The following TRIM27 variants were observed in gnomAD, a reference collection of about 807,000 sequenced individuals.
TRIM27 encodes tripartite motif containing 27.
Under a neutral mutation model 57.6 loss-of-function variants are expected in TRIM27, and 12 were observed. The observed-to-expected ratio is 0.21, with a 90% CI of 0.13 to 0.34. TRIM27 has a LOEUF of 0.34. TRIM27 is among the 10% of genes least tolerant of loss of function. The pLI, the probability that TRIM27 is intolerant of heterozygous loss-of-function variation, is 1.00. For synonymous variants in TRIM27, 266 were observed against 259.0 expected (o/e 1.03, Z -0.26); for missense variants, 403 against 656.8 (o/e 0.61, Z 4.22).
intron 3 of TRIM27, among the ~76,000 whole-genome samples, chr6:28,913,235 A>C (rs898941152): frequency 1.3e-4 from 19 of 148,392 alleles, no homozygotes; most frequent in African/African-American, 4.5e-4. Flanking sequence ...AGCCTGGGCA[A>C]CAAGAGTGAA....
Position 28,904,783 on chromosome 6 carries a change from T to A in TRIM27, c.947-118A>T. On this transcript the variant is annotated intron_variant, in intron 7 of 7. Transcript: ENST00000377199. This position sits in a 1 kb window ranked among gnomAD's most constrained non-coding sequence, Gnocchi z 6.1. Reference sequence around the variant, plus strand: ...GGTTCCCACTGGAGGTTGCACGTATTTTATTTAGAATATATTCTAAACTTC... The same window carrying A: ...GGTTCCCACTGGAGGTTGCACGTATATTATTTAGAATATATTCTAAACTTC... 1.5e-6 allele frequency: 1 copy of A among 686,322 alleles called. No individual in the cohort carries two copies. The highest frequency in any genetic ancestry group is 2.0e-5 in the South Asian group (1 of 49,506). 42.5% of individuals were successfully genotyped at this position (686,322 alleles called of 1,614,324 possible).
intron 3 of TRIM27, among the ~76,000 whole-genome samples, chr6:28,914,472 T>A (rs1309211159): frequency 1.3e-5 from 2 of 151,350 alleles, no homozygotes; most frequent in East Asian, 3.9e-4. Context: ...TATGTGCTTA[T>A]TTTATATGTG....
intron 6 of TRIM27, chr6:28,907,811 G>T: frequency 2.6e-6 from 1 of 382,132 alleles, no homozygotes; most frequent in South Asian, 2.3e-5. Flanking sequence ...ACCACTTCTG[G>T]TATTATCCAC....
intron 3 of TRIM27, among the ~76,000 whole-genome samples, chr6:28,917,564 C>G (rs1186070417): frequency 6.9e-6 from 1 of 145,092 alleles, no homozygotes; most frequent in Non-Finnish European, 1.5e-5. Context: ...GGCAACAGAG[C>G]AAGAGTATGT....
At chr6:28,912,572 G>C (rs954588630) in intron 3 of TRIM27, among the ~76,000 whole-genome samples, 1 of 150,994 alleles carries the variant, frequency 6.6e-6, no homozygotes, top group African/African-American at 2.4e-5. Context: ...AAACCACTCC[G>C]TATCAGTTCA....
At position 28,903,998 on chromosome 6, in the gene TRIM27, G is replaced by A. The variant is rs1416893019; in HGVS notation, c.*72C>T. ...GGATACCCAGCTGTGACAGGACGTG[G>A]CAAGGCAACAAGATGCCTTGTGCCT... On this transcript the variant is annotated 3_prime_UTR_variant, in exon 8 of 8. Transcript: ENST00000377199. 2.3e-6 allele frequency: 3 copies of A among 1,285,380 alleles called. No individual in the cohort carries two copies. The highest frequency in any genetic ancestry group is 3.3e-6 in the Non-Finnish European group (3 of 906,796). 79.6% of individuals were successfully genotyped at this position (1,285,380 alleles called of 1,614,324 possible). A position where few individuals can be genotyped will look rare whatever the true frequency, so the allele number is the denominator to read the frequency against.
intron 2 of TRIM27, among the ~76,000 whole-genome samples, chr6:28,921,109 G>A (rs757038902): frequency 4.5e-4 from 68 of 152,276 alleles, no homozygotes; most frequent in Non-Finnish European, 7.5e-4. Flanking sequence ...GGCTGGGCGC[G>A]GTGGCTCACG....
chr6:28,921,938 T>C lies in TRIM27; in HGVS notation c.470A>G (p.Lys157Arg). The change falls in exon 2 of 8, where the codon AAG (lysine) becomes AGG (arginine). Residue 157 changes from lysine to arginine, a missense_variant. By Grantham distance (26) the Lys-to-Arg change is conservative. Transcript: ENST00000377199. ...LDHLKRVKDL[K>R]KRRRAQGEQA... Reference sequence around the variant, plus strand: ...TTCCCCCTGGGCCCGACGTCTCTTCTTTAAATCTTTCACTCTTTTTAAATG... The same window carrying C: ...TTCCCCCTGGGCCCGACGTCTCTTCCTTAAATCTTTCACTCTTTTTAAATG... 1 of 1,613,122 alleles carries C rather than the reference T, an allele frequency of 6.2e-7. No homozygotes were observed.
At chr6:28,907,104 T>C in intron 7 of TRIM27, 132 bp downstream of exon 7, 4 of 779,950 alleles carry the variant, frequency 5.1e-6, no homozygotes, top group East Asian at 2.6e-5. Flanking sequence ...TTTGTGGTTG[T>C]TGTGTATCAT....
At position 28,923,328 on chromosome 6, in the gene TRIM27, G is replaced by A. The variant is rs1213215707; in HGVS notation, c.305C>T (p.Pro102Leu). The change falls in exon 1 of 8, where the codon CCC becomes CTC. Residue 102 changes from proline (P) to leucine (L), a missense_variant. Physicochemically the swap from Pro to Leu is moderately conservative, Grantham distance 98. Coordinates refer to ENST00000377199, the MANE Select transcript of TRIM27 (RefSeq NM_006510.5). ...EMGVCEKHREPLKLYCEEDQM... is the reference protein window; with the variant it reads ...EMGVCEKHRELLKLYCEEDQM... ...GTCCTCCTCGCAGTACAGCTTCAGG[G>A]GCTCGCGGTGCTTCTCGCACACGCC... is the stretch of plus-strand genomic sequence containing the variant. 1.9e-6 allele frequency: 3 copies of A among 1,612,028 alleles called. No individual in the cohort carries two copies. Among genetic ancestry groups the A allele is most frequent in the Non-Finnish European group, 1.7e-6 (2 of 1,179,752 alleles).
chr6:28,905,339 T>C (rs1470760941), intron 7 of TRIM27: 2 of 152,246 alleles, frequency 1.3e-5, no homozygotes, highest in African/African-American at 2.4e-5. Context: ...GAAGTATTAA[T>C]AGATCTGCTG....
chr6:28,910,463 G>A (rs1170609349), intron 4 of TRIM27, among the ~76,000 whole-genome samples: 4 of 152,116 alleles, frequency 2.6e-5, no homozygotes, highest in Non-Finnish European at 5.9e-5. Flanking sequence ...CCAAGTAGCT[G>A]GGATTACAGG....
At position 28,923,413 on chromosome 6, in the gene TRIM27, C is replaced by T. The variant is rs776464103; in HGVS notation, c.220G>A (p.Val74Met). 6.2e-7 allele frequency: 1 copy of T among 1,612,236 alleles called. No individual in the cohort carries two copies. Among genetic ancestry groups the T allele is most frequent in the South Asian group, 1.1e-5 (1 of 91,040 alleles). Residue 74 changes from valine (V) to methionine (M), a missense_variant, in exon 1 of 8, where the codon GTG becomes ATG. Physicochemically the swap from Val to Met is conservative, Grantham distance 21 (BLOSUM62 1). Coordinates refer to ENST00000377199, the MANE Select transcript of TRIM27 (RefSeq NM_006510.5). ...CGCAGCTGCTTTACCAGTTGGGTCA[C>T]GTTGGCCAGGTGCCGGTTGGGCCGC... is the stretch of plus-strand genomic sequence containing the variant. The part of the protein sequence containing the change: ...HMRPNRHLAN[V>M]TQLVKQLRTE...
chr6:28,923,787 G>A lies in TRIM27; in HGVS notation c.-155C>T. ...GGGCCCGTATCCCAGACGCGCCCGC[G>A]CACCGAAGGCTTGGAGTGGCCGGGC... On this transcript the variant is annotated 5_prime_UTR_variant, in exon 1 of 8. Transcript: ENST00000377199. 1.2e-6 allele frequency: 1 copy of A among 819,300 alleles called. No homozygotes were observed. The highest frequency in any genetic ancestry group is 1.8e-6 in the Non-Finnish European group (1 of 546,988). The allele number at this position is 819,300 out of a possible 1,614,324, so 50.8% of individuals were successfully genotyped here.
At chr6:28,907,481 T>A in intron 6 of TRIM27, 1 of 708,276 alleles carries the variant, frequency 1.4e-6, no homozygotes, top group Non-Finnish European at 2.6e-6. Flanking sequence ...AGTACAGGGA[T>A]AACCACATGC....
At chr6:28,921,277 A>G (rs891519543) in intron 2 of TRIM27, among the ~76,000 whole-genome samples, 19 of 152,040 alleles carry the variant, frequency 1.2e-4, no homozygotes, top group Non-Finnish European at 2.8e-4. Flanking sequence ...GCTACCTGGG[A>G]GGCTGAGGTG....
chr6:28,921,638 G>A lies in TRIM27; in HGVS notation c.516+254C>T, dbSNP rs144996521. Reference sequence around the variant, plus strand: ...CTCAGCTTTGCCAAGGATCAACCCTGGTCTACGCAGTTAGCAGGTTAAAGT... The same window carrying A: ...CTCAGCTTTGCCAAGGATCAACCCTAGTCTACGCAGTTAGCAGGTTAAAGT... On this transcript the variant is annotated intron_variant, in intron 2 of 7. Transcript: ENST00000377199. Among the ~76,000 whole-genome samples the A allele has an allele frequency of 2.1e-3, 318 of 152,254 alleles. 1 individual carries two copies. Among genetic ancestry groups the A allele is most frequent in the Middle Eastern group, 0.014 (4 of 294 alleles).
chr6:28,903,034 A>G lies in TRIM27; in HGVS notation c.*1036T>C, dbSNP rs1186652926. ...CCATATTCAGTTTATTTTTAAACAGAGGGGCACGTACCCACAGAGAAGCAG... is the reference window on the plus strand; with the variant it reads ...CCATATTCAGTTTATTTTTAAACAGGGGGGCACGTACCCACAGAGAAGCAG... On this transcript the variant is annotated 3_prime_UTR_variant, in exon 8 of 8. Coordinates refer to ENST00000377199, the MANE Select transcript of TRIM27 (RefSeq NM_006510.5). 1 of 221,722 alleles carries G rather than the reference A, an allele frequency of 4.5e-6. No individual in the cohort carries two copies. The highest frequency in any genetic ancestry group is 9.0e-6 in the Non-Finnish European group (1 of 110,956). 13.7% of individuals were successfully genotyped at this position (221,722 alleles called of 1,614,324 possible).
chr6:28,908,157 G>C (rs973921817), intron 6 of TRIM27: 1 of 157,790 alleles, frequency 6.3e-6, no homozygotes, highest in Admixed American at 6.5e-5. Context: ...CAAATGCCTA[G>C]AACGATTTAA....
Sources: gnomAD v4.1 joint callset for allele counts (sites outside exome capture counted in the v4.1 genomes callset) on GRCh38, gnomAD v4.1.1 for gene constraint, Gnocchi (gnomAD v3.1) non-coding constraint, MANE v1.5 for transcripts, NCBI Gene and HGNC (gene_info 2026-07-23, HGNC 2026-07-21) for gene names.